AGMO: variants seen among roughly 807,000 people sequenced by gnomAD.
AGMO encodes glyceryl-ether monooxygenase.
In AGMO, 75 loss-of-function variants were observed where a neutral mutation model predicts 60.2. The ratio of observed to expected loss-of-function variants is 1.25; its 90% CI spans 1.03 to 1.51. The LOEUF (loss-of-function observed/expected upper bound fraction) is 1.51, where lower values mean the gene tolerates loss of function less well. Among genes scored for constraint, AGMO ranks in the 40% most tolerant of loss-of-function variants. The pLI, the probability that AGMO is intolerant of heterozygous loss-of-function variation, is 0.00. For synonymous variants in AGMO, 261 were observed against 177.1 expected (o/e 1.47, Z -3.76); for missense variants, 763 against 525.5 (o/e 1.45, Z -4.42).
intron 12 of AGMO, among the ~76,000 whole-genome samples, chr7:15,295,804 T>C (rs1194450159): frequency 6.6e-6 from 1 of 152,072 alleles, no homozygotes; most frequent in Non-Finnish European, 1.5e-5. Flanking sequence ...AGAAATAGCT[T>C]TTAAGAAATG....
chr7:15,541,039 T>C (rs2115272888), intron 3 of AGMO, among the ~76,000 whole-genome samples: 1 of 152,316 alleles, frequency 6.6e-6, no homozygotes, highest in East Asian at 1.9e-4. Flanking sequence ...TCTTTACCTG[T>C]TTTCTTACAT....
At chr7:15,556,183 A>G (rs1178073098) in intron 2 of AGMO, among the ~76,000 whole-genome samples, 3 of 151,242 alleles carry the variant, frequency 2.0e-5, no homozygotes, top group South Asian at 4.2e-4. Flanking sequence ...CAAAGAGTCA[A>G]AAATATTTTA....
At chr7:15,228,987 G>A (rs1172637715) in intron 12 of AGMO, among the ~76,000 whole-genome samples, 1 of 152,070 alleles carries the variant, frequency 6.6e-6, no homozygotes, top group Non-Finnish European at 1.5e-5. Flanking sequence ...CTGCTTTCAG[G>A]ATTTAAATAA....
intron 3 of AGMO, among the ~76,000 whole-genome samples, chr7:15,473,053 T>C (rs1472752371): frequency 1.3e-5 from 2 of 151,886 alleles, no homozygotes; most frequent in African/African-American, 4.8e-5. Flanking sequence ...ATCTATATTA[T>C]AAAATATTTA....
At chr7:15,378,032 T>C (rs1242581254) in intron 10 of AGMO, among the ~76,000 whole-genome samples, 14 of 152,014 alleles carry the variant, frequency 9.2e-5, no homozygotes, top group Admixed American at 9.2e-4. Context: ...CTAGCACAGG[T>C]AAGAAAAACA....
chr7:15,153,104 T>C, the AGMO span, among the ~76,000 whole-genome samples: 1 of 152,208 alleles, frequency 6.6e-6, no homozygotes, highest in Admixed American at 6.5e-5. Context: ...TAAGCATTTT[T>C]CCATATGTTT....
intron 3 of AGMO, among the ~76,000 whole-genome samples, chr7:15,498,837 A>G (rs1562537989): frequency 6.6e-6 from 1 of 151,934 alleles, no homozygotes; most frequent in South Asian, 2.1e-4. Context: ...CATCTCTTGT[A>G]TATTTTCTCA....
rs575330525 is a variant in AGMO at position 15,255,136 on chromosome 7, C to G, written c.1264-53777G>C. Among the ~76,000 whole-genome samples, 3 of 152,184 alleles carry G rather than the reference C, an allele frequency of 2.0e-5. No individual in the cohort carries two copies. The East Asian group carries it at 5.8e-4, about 30-fold the overall frequency. Reference sequence around the variant, plus strand: ...GAAAACCAAACACTGCATGTTCCCACTCATAAGTGGAAGCTGACCAGTGTG... The same window carrying G: ...GAAAACCAAACACTGCATGTTCCCAGTCATAAGTGGAAGCTGACCAGTGTG... On this transcript the variant is annotated intron_variant, in intron 12 of 12. Transcript: ENST00000342526.
intron 12 of AGMO, among the ~76,000 whole-genome samples, chr7:15,344,074 T>C (rs2128550832): frequency 6.6e-6 from 1 of 152,280 alleles, no homozygotes; most frequent in African/African-American, 2.4e-5. Context: ...TAAATTAAAA[T>C]GTAAAATTCC....
At position 15,216,844 on chromosome 7, in the gene AGMO, G is replaced by GTGTGTC. The variant is rs1389164766; in HGVS notation, c.1264-15486_1264-15485insGACACA. On this transcript the variant is annotated intron_variant, in intron 12 of 12. Coordinates refer to ENST00000342526, the MANE Select transcript of AGMO (RefSeq NM_001004320.2). ...AAAGTGAAAGAAAAAGTGTGTGTGTGTGTGTGTGTGTGTGTGTGTGTACAC... is the reference window on the plus strand; with the variant it reads ...AAAGTGAAAGAAAAAGTGTGTGTGTGTGTGTCTGTGTGTGTGTGTGTGTGTGTACAC... 2.6e-5 allele frequency among the ~76,000 whole-genome samples: 4 copies of GTGTGTC among 151,554 alleles called. No individual in the cohort carries two copies. The East Asian group carries it at 7.8e-4, about 29-fold the overall frequency.
chr7:15,349,055 T>G (rs1782135958), intron 12 of AGMO, among the ~76,000 whole-genome samples: 1 of 152,088 alleles, frequency 6.6e-6, no homozygotes, highest in African/African-American at 2.4e-5. Context: ...GATTTATAAG[T>G]AACACTTTAT....
chr7:15,151,174 G>A, the AGMO span, among the ~76,000 whole-genome samples: 1 of 151,892 alleles, frequency 6.6e-6, no homozygotes, highest in Non-Finnish European at 1.5e-5. Flanking sequence ...GATAATTTCT[G>A]CATTGTCATT....
At chr7:15,455,148 T>C (rs910690551) in intron 3 of AGMO, among the ~76,000 whole-genome samples, 5 of 151,620 alleles carry the variant, frequency 3.3e-5, no homozygotes, top group Admixed American at 2.6e-4. Context: ...TAGAGTTATA[T>C]TATCATTATT....
At chr7:15,496,811 C>G (rs1443148307) in intron 3 of AGMO, among the ~76,000 whole-genome samples, 4 of 152,230 alleles carry the variant, frequency 2.6e-5, no homozygotes, top group African/African-American at 9.6e-5. Context: ...AGCGCACTTG[C>G]ATTACCTCAC....
chr7:15,548,417 A>G (rs1392891746), intron 2 of AGMO, among the ~76,000 whole-genome samples: 2 of 151,690 alleles, frequency 1.3e-5, no homozygotes, highest in Non-Finnish European at 2.9e-5. Flanking sequence ...GAAAACTTTG[A>G]AAAAAATTTA....
chr7:15,310,967 C>T (rs897681303), intron 12 of AGMO, among the ~76,000 whole-genome samples: 6 of 152,152 alleles, frequency 3.9e-5, no homozygotes, highest in Admixed American at 2.6e-4. Context: ...GACTCTCCCG[C>T]CTCCCTCTTC....
At chr7:15,197,014 G>GA (rs546967403), downstream of AGMO, among the ~76,000 whole-genome samples, 9 of 151,010 alleles carry the variant, frequency 6.0e-5, no homozygotes, top group East Asian at 1.9e-4. Context: ...AGTGAGATTT[G>GA]AAAAAAATGT....
intron 5 of AGMO, among the ~76,000 whole-genome samples, chr7:15,406,922 T>TACACACACACAC (rs573526404): frequency 1.2e-3 from 136 of 109,836 alleles, no homozygotes; most frequent in Middle Eastern, 6.9e-3. Flanking sequence ...TTGTTTGGAA[T>TACACACACACAC]ACACACGCGC....
chr7:15,544,794 G>C lies in AGMO; in HGVS notation c.387C>G (p.Tyr129Ter). 6.2e-7 allele frequency: 1 copy of C among 1,604,636 alleles called. No homozygotes were observed. ...TACCATGAGCCATACGATGGAACCA[G>C]TAGTAGCCAAAGTCAACTCCTAAGA... is the stretch of plus-strand genomic sequence containing the variant. ...SAFLGVDFGY[Y>*]WFHRMAHEVN... The change falls in exon 3 of 13, where the codon TAC (tyrosine) becomes TAG (stop). Residue 129 changes from tyrosine (Y) to a stop codon, truncating the protein, a stop_gained. Coordinates refer to ENST00000342526, the MANE Select transcript of AGMO (RefSeq NM_001004320.2). LOFTEE classifies it high-confidence loss of function.
Sources: gnomAD v4.1 joint callset for allele counts (sites outside exome capture counted in the v4.1 genomes callset) on GRCh38, gnomAD v4.1.1 for gene constraint, MANE v1.5 for transcripts, NCBI Gene and HGNC (gene_info 2026-07-23, HGNC 2026-07-21) for gene names.